DST: variants seen among roughly 807,000 people sequenced by gnomAD.
The protein encoded by DST is bullous pemphigoid antigen.
In DST, 253 loss-of-function variants were observed where a neutral mutation model predicts 875.2. That is an observed-to-expected ratio of 0.29 (90% confidence interval 0.26 to 0.32). The LOEUF (loss-of-function observed/expected upper bound fraction) is 0.32. Among genes scored for constraint, DST ranks in the 10% least tolerant of loss-of-function variants. The pLI is 1.00. For synonymous variants in DST, 3,124 were observed against 3,197.1 expected, an observed-to-expected ratio of 0.98 and a Z score of 0.77; for missense variants, 8,287 against 9,111.6, an observed-to-expected ratio of 0.91 and a Z score of 3.68.
At position 56,642,456 on chromosome 6, in the gene DST, A is replaced by G. The variant is rs2098916172; in HGVS notation, c.1826T>C (p.Val609Ala). The change falls in exon 16 of 104, where the codon GTC becomes GCC. Residue 609 changes from valine (V) to alanine (A), a missense_variant. Coordinates refer to ENST00000680361, the MANE Select transcript of DST (RefSeq NM_001374736.1). ...QIANRVQRDS[V>A]ICEDKLILAG... ...AAGAATCAGTTTGTCTTCACAGATG[A>G]CACTGTCCCTCTGAACTCTGTTGGC... is the stretch of plus-strand genomic sequence containing the variant. 2 of 1,613,798 alleles carry G rather than the reference A, an allele frequency of 1.2e-6. No individual in the cohort carries two copies. Among genetic ancestry groups the G allele is most frequent in the Non-Finnish European group, 8.5e-7 (1 of 1,179,692 alleles).
chr6:56,617,617 G>A (rs2098640478), intron 36 of DST, among the ~76,000 whole-genome samples: 1 of 151,906 alleles, frequency 6.6e-6, no homozygotes, highest in African/African-American at 2.4e-5. Context: ...GACAATTAAA[G>A]GTATTAAAAT....
chr6:56,627,225 T>C lies in DST; in HGVS notation c.4701A>G (p.Glu1567=), dbSNP rs779095804. The change falls in exon 34 of 104, where the codon GAA becomes GAG. Residue 1567 remains glutamate (E), a synonymous_variant. Transcript: ENST00000680361. ...CTACCTTCACTGTAGCTGAGTACTG[T>C]TCTGCATATTTTTGACACTCGTCCA... The part of the protein sequence containing the change: ...SKMDECQKYA[E]QYSATVKDYE... The C allele has an allele frequency of 6.2e-6, 10 of 1,612,364 alleles. No individual in the cohort carries two copies. The South Asian group carries it at 1.1e-4, about 18-fold the overall frequency.
Position 56,552,698 on chromosome 6 carries a change from G to T in DST, c.16094C>A (p.Thr5365Lys). The change falls in exon 61 of 104, where the codon ACA becomes AAA. Residue 5365 changes from threonine to lysine, a missense_variant. Around this residue, in one of 10 missense-constraint regions of DST, gnomAD observed 1,513 missense variants for 1,677.8 expected, o/e 0.90. Coordinates refer to ENST00000680361, the MANE Select transcript of DST (RefSeq NM_001374736.1). ...CTTTTCATCAACCTGCTGACTTAGT[G>T]TACTATGCTCTTGAGCTATGGTTTC... ...QVETIAQEHS[T>K]LSQQVDEKCS... 6.2e-7 allele frequency: 1 copy of T among 1,613,370 alleles called. No individual in the cohort carries two copies. Among genetic ancestry groups the T allele is most frequent in the Non-Finnish European group, 8.5e-7 (1 of 1,179,898 alleles).
intron 3 of DST, chr6:56,863,259 T>C (rs528632248): frequency 1.3e-5 from 2 of 152,328 alleles, no homozygotes; most frequent in South Asian, 4.1e-4. Context: ...ATAAACCATC[T>C]TGTTCATTGT....
intron 67 of DST, 84 bp from the exon 68 acceptor site, chr6:56,527,818 G>T (rs889006243): frequency 5.1e-6 from 7 of 1,365,306 alleles, no homozygotes; most frequent in Non-Finnish European, 6.8e-6. Context: ...GAACACTGAT[G>T]AAATTTCCAC....
chr6:56,847,843 TC>T (rs2099808872), intron 4 of DST, among the ~76,000 whole-genome samples: 1 of 152,220 alleles, frequency 6.6e-6, no homozygotes, highest in Admixed American at 6.5e-5. Flanking sequence ...CATCCATTTA[TC>T]ATATTAGACT....
rs867307998 is a variant in DST at position 56,556,374 on chromosome 6, T to C, written c.14641-534A>G. On this transcript the variant is annotated intron_variant, in intron 59 of 103. Coordinates refer to ENST00000680361, the MANE Select transcript of DST (RefSeq NM_001374736.1). ...TCAACAAATCATGCTGCTCAGAATGTATAGGCTCAACTTGACTCATAAAAT... is the reference window on the plus strand; with the variant it reads ...TCAACAAATCATGCTGCTCAGAATGCATAGGCTCAACTTGACTCATAAAAT... 2.0e-5 allele frequency among the ~76,000 whole-genome samples: 3 copies of C among 152,290 alleles called. No homozygotes were observed. The South Asian group carries it at 6.2e-4, about 32-fold the overall frequency.
rs1482938551 is a variant in DST, at chr6:56,532,336, T to C, written c.17108+8A>G. On this transcript the variant is annotated splice_region_variant and intron_variant, in intron 64 of 103. Coordinates refer to ENST00000680361, the MANE Select transcript of DST (RefSeq NM_001374736.1). ...CTCTTTCAAAAGAACTGGAAGTATA[T>C]AAGTTACCTTGTTTCAGCTTTATTA... 18 of 1,612,926 alleles carry C rather than the reference T, an allele frequency of 1.1e-5. No homozygotes were observed. The highest frequency in any genetic ancestry group is 1.5e-5 in the Non-Finnish European group (18 of 1,179,392).
chr6:56,821,576 C>T (rs752255921), intron 4 of DST, among the ~76,000 whole-genome samples: 5 of 152,190 alleles, frequency 3.3e-5, no homozygotes, highest in Non-Finnish European at 7.3e-5. Context: ...ATCTCTGAAC[C>T]TAATTCTTCT....
At chr6:56,793,231 T>C (rs1257948282) in intron 4 of DST, among the ~76,000 whole-genome samples, 1 of 152,078 alleles carries the variant, frequency 6.6e-6, no homozygotes, top group Non-Finnish European at 1.5e-5. Flanking sequence ...TTAGATGGTA[T>C]CATAGAATTG....
rs140625098 is a variant in DST at position 56,844,530 on chromosome 6, C to G, written c.625+6867G>C. On this transcript the variant is annotated intron_variant, in intron 4 of 103. Coordinates refer to ENST00000680361, the MANE Select transcript of DST (RefSeq NM_001374736.1). ...ATATACTAAAGTGGGTGAGTTTAAG[C>G]GTCCATTGGAGGAACCAACTGATAC... is the stretch of plus-strand genomic sequence containing the variant. 5.6e-4 allele frequency among the ~76,000 whole-genome samples: 86 copies of G among 152,278 alleles called. 1 individual carries two copies. Among genetic ancestry groups the G allele is most frequent in the African/African-American group, 2.0e-3 (83 of 41,560 alleles).
intron 3 of DST, among the ~76,000 whole-genome samples, chr6:56,893,562 C>CTTTTTTTTTTTTTTTTTTTTTTTTGTTT (rs1788744359): frequency 5.6e-5 from 2 of 35,908 alleles, no homozygotes; most frequent in African/African-American, 1.3e-4. Flanking sequence ...ACTTTTAGTT[C>CTTTTTTTTTTTTTTTTTTTTTTTTGTTT]TTTTTTTTTT....
Position 56,615,122 on chromosome 6 carries a change from T to C in DST, c.4930-638A>G, listed in dbSNP as rs554367379. On this transcript the variant is annotated intron_variant, in intron 36 of 103. Transcript: ENST00000680361. ...ATTTATATCTTTCTCTTTGATTCCA[T>C]GGTGCTTCATGACGTGCTCTTTCAG... The C allele has an allele frequency of 3.0e-5, 31 of 1,044,344 alleles. No homozygotes were observed. In the South Asian group the frequency reaches 8.0e-4, roughly 27 times the overall value. The allele number at this position is 1,044,344 out of a possible 1,614,324, so 64.7% of individuals were successfully genotyped here. A position where few individuals can be genotyped will look rare whatever the true frequency, so the allele number is the denominator to read the frequency against.
At chr6:56,620,344 G>C (rs374143007) in intron 36 of DST, 1 of 1,613,898 alleles carries the variant, frequency 6.2e-7, no homozygotes, top group African/African-American at 1.3e-5. Context: ...TCTCTTCCAC[G>C]GCAGCTCTTT....
At chr6:56,485,198 A>G (rs1178748758) in intron 88 of DST, 114 bp downstream of exon 88, 5 of 1,162,952 alleles carry the variant, frequency 4.3e-6, no homozygotes, top group African/African-American at 3.1e-5. Context: ...AAAGACTGTT[A>G]TGTAGTATGA....
intron 2 of DST, among the ~76,000 whole-genome samples, chr6:56,921,619 A>C (rs1463280516): frequency 6.6e-6 from 1 of 152,216 alleles, no homozygotes; most frequent in African/African-American, 2.4e-5. Flanking sequence ...ATAATGAAGC[A>C]CATTTAACTG....
chr6:56,934,557 ATAT>A (rs1379917016), intron 2 of DST, among the ~76,000 whole-genome samples: 25 of 70,636 alleles, frequency 3.5e-4, no homozygotes, highest in African/African-American at 1.5e-3. Context: ...ATTATATATT[ATAT>A]TATATATATA....
chr6:56,574,815 G>A (rs929821528), intron 50 of DST, among the ~76,000 whole-genome samples: 2 of 151,990 alleles, frequency 1.3e-5, no homozygotes, highest in East Asian at 1.9e-4. Context: ...CTTATTGTCC[G>A]AGAATTTGAA....
At position 56,576,456 on chromosome 6, in the gene DST, G is replaced by A. The variant is rs573190850; in HGVS notation, c.13027+2358C>T. Among the ~76,000 whole-genome samples, 78 of 152,260 alleles carry A rather than the reference G, an allele frequency of 5.1e-4. 1 individual carries two copies. The highest frequency in any genetic ancestry group is 1.3e-3 in the Admixed American group (20 of 15,288). ...TCTGAAGTGGGGGGCAGCATTATGA[G>A]ACTGACCCCTTAACCTGTGGGGTCT... is the stretch of plus-strand genomic sequence containing the variant. On this transcript the variant is annotated intron_variant, in intron 50 of 103. Coordinates refer to ENST00000680361, the MANE Select transcript of DST (RefSeq NM_001374736.1).
Sources: allele counts gnomAD v4.1 joint callset (sites outside exome capture counted in the v4.1 genomes callset), GRCh38; gene constraint gnomAD v4.1.1; regional missense constraint gnomAD v4.1.1; transcripts MANE v1.5; gene names NCBI Gene and HGNC (gene_info 2026-07-23, HGNC 2026-07-21).